TDRP: variants seen among roughly 807,000 people sequenced by gnomAD.
TDRP encodes the protein testis development related protein.
In TDRP, 12 loss-of-function variants were observed where a neutral mutation model predicts 10.5. That is an observed-to-expected ratio of 1.15 (90% CI 0.73 to 1.86). The LOEUF (loss-of-function observed/expected upper bound fraction) is 1.86. Among genes scored for constraint, TDRP ranks in the 40% most tolerant of loss-of-function variants. TDRP has a pLI of 0.00. For synonymous variants in TDRP, 139 were observed against 95.4 expected (o/e 1.46, Z -2.67); for missense variants, 353 against 229.2 (o/e 1.54, Z -3.49).
At chr8:519,228 G>A (rs1283243652) in intron 1 of TDRP, among the ~76,000 whole-genome samples, 1 of 152,180 alleles carries the variant, frequency 6.6e-6, no homozygotes, top group Non-Finnish European at 1.5e-5. Context: ...CATGCATGTT[G>A]AGAGGGATGG....
chr8:543,495 A>C (rs1802554649), intron 1 of TDRP, among the ~76,000 whole-genome samples: 1 of 152,122 alleles, frequency 6.6e-6, no homozygotes. Context: ...GCCACATATA[A>C]ATTCTCATCA....
chr8:504,505 G>A (rs528240275), intron 1 of TDRP, among the ~76,000 whole-genome samples: 3 of 152,290 alleles, frequency 2.0e-5, no homozygotes, highest in South Asian at 2.1e-4. Context: ...CCCCTACCCT[G>A]CAGGGTGGAT....
intron 1 of TDRP, among the ~76,000 whole-genome samples, chr8:508,678 C>T (rs1801531777): frequency 1.3e-5 from 2 of 152,142 alleles, no homozygotes; most frequent in Non-Finnish European, 2.9e-5. Context: ...GGTGGGGACA[C>T]ACAGCCAAAC....
chr8:501,966 T>A (rs1318746505), intron 1 of TDRP, among the ~76,000 whole-genome samples: 2 of 152,192 alleles, frequency 1.3e-5, no homozygotes, highest in African/African-American at 4.8e-5. Context: ...AGCGCTGGCA[T>A]TCAGTGTCTT....
chr8:535,532 A>T (rs987733875), intron 1 of TDRP, among the ~76,000 whole-genome samples: 11 of 152,200 alleles, frequency 7.2e-5, no homozygotes, highest in African/African-American at 2.2e-4. Flanking sequence ...CTGAAATAAC[A>T]GGTAAAATCC....
chr8:511,332 G>A (rs894655063), intron 1 of TDRP, among the ~76,000 whole-genome samples: 5 of 151,538 alleles, frequency 3.3e-5, no homozygotes, highest in Admixed American at 2.7e-4. Flanking sequence ...AAGTGACTAT[G>A]TAAACAAAAG....
chr8:526,573 A>T (rs1802040452), intron 1 of TDRP, among the ~76,000 whole-genome samples: 1 of 152,164 alleles, frequency 6.6e-6, no homozygotes, highest in South Asian at 2.1e-4. Flanking sequence ...GATCATAATT[A>T]TCTTTTTAGT....
At chr8:502,918 C>T (rs1801343892) in intron 1 of TDRP, among the ~76,000 whole-genome samples, 1 of 151,830 alleles carries the variant, frequency 6.6e-6, no homozygotes, top group African/African-American at 2.4e-5. Flanking sequence ...GTGCCCACCT[C>T]AGCACGTGTC....
rs1375827464 is a variant in TDRP, at chr8:490,824, C to T, written c.*1575G>A. 6.6e-6 allele frequency: 1 copy of T among 152,008 alleles called. No homozygotes were observed. The highest frequency in any genetic ancestry group is 2.4e-5 in the African/African-American group (1 of 41,364). The allele number at this position is 152,008 out of a possible 1,614,324, so 9.4% of individuals were successfully genotyped here. A position where few individuals can be genotyped will look rare whatever the true frequency, so the allele number is the denominator to read the frequency against. On this transcript the variant is annotated 3_prime_UTR_variant, in exon 3 of 3. Coordinates refer to ENST00000324079, the MANE Select transcript of TDRP (RefSeq NM_001384899.1). ...ATACAAGCTGGAATTTTTGTTTGAA[C>T]ACCAATTGAAACATGTCCCCCTTTC... is the stretch of plus-strand genomic sequence containing the variant.
At chr8:538,053 A>C (rs1468172323) in intron 1 of TDRP, among the ~76,000 whole-genome samples, 3 of 152,230 alleles carry the variant, frequency 2.0e-5, no homozygotes, top group African/African-American at 7.2e-5. Context: ...ACCACTGATA[A>C]AGAAAAAGCT....
At chr8:497,824 T>C (rs1465433807) in intron 1 of TDRP, among the ~76,000 whole-genome samples, 1 of 152,236 alleles carries the variant, frequency 6.6e-6, no homozygotes, top group East Asian at 1.9e-4. Context: ...CCTCTGGACA[T>C]GGTGTCCTGT....
chr8:521,765 C>G (rs142455826), intron 1 of TDRP, among the ~76,000 whole-genome samples: 1 of 151,352 alleles, frequency 6.6e-6, no homozygotes, highest in Non-Finnish European at 1.5e-5. Context: ...TTCTTTTCTA[C>G]TTCAGCAAAA....
intron 1 of TDRP, among the ~76,000 whole-genome samples, chr8:527,526 A>T (rs2116842863): frequency 6.6e-6 from 1 of 152,344 alleles, no homozygotes; most frequent in South Asian, 2.1e-4. Context: ...CTACAGAGCT[A>T]GAGTAACCAA....
At chr8:518,771 A>G (rs1468342232) in intron 1 of TDRP, among the ~76,000 whole-genome samples, 1 of 144,192 alleles carries the variant, frequency 6.9e-6, no homozygotes, top group South Asian at 2.2e-4. Context: ...TTTTTTTTTT[A>G]GCTTAAAAGG....
chr8:520,381 CTTA>C (rs1801870799), intron 1 of TDRP, among the ~76,000 whole-genome samples: 1 of 152,190 alleles, frequency 6.6e-6, no homozygotes, highest in Admixed American at 6.5e-5. Context: ...TGCTTCTCCT[CTTA>C]TTATAAGTGG....
chr8:507,236 G>C (rs1048844493), intron 1 of TDRP, among the ~76,000 whole-genome samples: 1 of 152,062 alleles, frequency 6.6e-6, no homozygotes, highest in Non-Finnish European at 1.5e-5. Flanking sequence ...TCAACACATG[G>C]GGATTGCAAT....
At position 492,037 on chromosome 8, in the gene TDRP, CG is replaced by C; in HGVS notation, c.*361del. ...ACGTGCTACATACAAGAAAAAGGTA[CG>C]GAAGTTCTGAAACAGAACTACAACA... On this transcript the variant is annotated 3_prime_UTR_variant, in exon 3 of 3. Transcript: ENST00000324079. 1.8e-6 allele frequency: 2 copies of C among 1,117,602 alleles called. No homozygotes were observed. The highest frequency in any genetic ancestry group is 1.1e-6 in the Non-Finnish European group (1 of 916,646). 69.2% of individuals were successfully genotyped at this position (1,117,602 alleles called of 1,614,324 possible).
intron 1 of TDRP, among the ~76,000 whole-genome samples, chr8:519,570 C>A (rs574562800): frequency 2.0e-5 from 3 of 151,924 alleles, no homozygotes; most frequent in African/African-American, 7.3e-5. Context: ...ACTGAAAAAC[C>A]CCCCTCTCCC....
At chr8:514,376 A>G (rs970768661) in intron 1 of TDRP, among the ~76,000 whole-genome samples, 6 of 152,210 alleles carry the variant, frequency 3.9e-5, no homozygotes, top group African/African-American at 1.4e-4. Flanking sequence ...TTTTCAACAA[A>G]TGGCTGTGTG....
Sources: gnomAD v4.1 joint callset for allele counts (sites outside exome capture counted in the v4.1 genomes callset) on GRCh38, gnomAD v4.1.1 for gene constraint, MANE v1.5 for transcripts, NCBI Gene and HGNC (gene_info 2026-07-23, HGNC 2026-07-21) for gene names.